Variants in BMPER observed in about 807,000 individuals in gnomAD.
The protein encoded by BMPER is BMP binding endothelial regulator.
BMPER carries 45 observed loss-of-function variants against 87.3 expected under a neutral mutation model. The ratio of observed to expected loss-of-function variants is 0.52; its 90% CI spans 0.41 to 0.66. The LOEUF (loss-of-function observed/expected upper bound fraction) is 0.66. Ranked by LOEUF, BMPER falls within the 30% of genes least tolerant of loss-of-function variation. BMPER has a pLI of 0.00. For synonymous variants in BMPER, 326 were observed against 316.2 expected, an observed-to-expected ratio of 1.03 and a Z score of -0.33; for missense variants, 784 against 867.5, an observed-to-expected ratio of 0.90 and a Z score of 1.21.
chr7:34,047,326 C>T (rs532017164), intron 7 of BMPER, among the ~76,000 whole-genome samples: 27 of 151,936 alleles, frequency 1.8e-4, no homozygotes, highest in African/African-American at 6.3e-4. Flanking sequence ...TGTTGCCAGG[C>T]TGGGTACAGT....
intron 6 of BMPER, among the ~76,000 whole-genome samples, chr7:34,035,735 G>A (rs1486843040): frequency 6.6e-6 from 1 of 152,208 alleles, no homozygotes; most frequent in Admixed American, 6.5e-5. Context: ...GCTAGGCACT[G>A]TGGAAGACAG....
At chr7:33,963,723 G>A (rs1038843398) in intron 3 of BMPER, among the ~76,000 whole-genome samples, 79 of 152,272 alleles carry the variant, frequency 5.2e-4, no homozygotes, top group African/African-American at 1.8e-3. Context: ...AACCTGGGAG[G>A]CGGAGGTTGC....
intron 6 of BMPER, among the ~76,000 whole-genome samples, chr7:34,027,111 T>TG (rs146167310): frequency 0.023 from 3,428 of 152,204 alleles, 135 homozygotes; most frequent in African/African-American, 0.078. Context: ...AATTACTGCA[T>TG]GAGGTAGATT....
chr7:34,068,636 C>G (rs1788657987), intron 11 of BMPER, among the ~76,000 whole-genome samples: 1 of 151,616 alleles, frequency 6.6e-6, no homozygotes, highest in South Asian at 2.1e-4. Context: ...GTTTTTTTTT[C>G]TCGTGGTAAT....
intron 5 of BMPER, among the ~76,000 whole-genome samples, chr7:33,971,354 T>C (rs181076371): frequency 1.7e-4 from 26 of 152,216 alleles, no homozygotes; most frequent in Non-Finnish European, 3.2e-4. Flanking sequence ...TTCTCACCCT[T>C]GAATGACAAG....
chr7:34,040,281 C>G (rs1472773865), intron 6 of BMPER, among the ~76,000 whole-genome samples: 1 of 152,160 alleles, frequency 6.6e-6, no homozygotes, highest in Non-Finnish European at 1.5e-5. Context: ...GGGAAACAAA[C>G]AGAAGGAACC....
At chr7:33,932,550 G>A (rs963074313) in intron 2 of BMPER, among the ~76,000 whole-genome samples, 3 of 152,160 alleles carry the variant, frequency 2.0e-5, no homozygotes, top group African/African-American at 7.2e-5. Context: ...CTTCAACATG[G>A]CTAACCAAAT....
chr7:33,944,001 CA>C (rs1346482623), intron 3 of BMPER, among the ~76,000 whole-genome samples: 2 of 152,168 alleles, frequency 1.3e-5, no homozygotes, highest in Non-Finnish European at 2.9e-5. Context: ...AACAAGTTAA[CA>C]CTTAAATGGT....
At chr7:34,101,985 C>A (rs951702664) in intron 13 of BMPER, among the ~76,000 whole-genome samples, 1 of 152,126 alleles carries the variant, frequency 6.6e-6, no homozygotes, top group Non-Finnish European at 1.5e-5. Flanking sequence ...TTTCTAGTTG[C>A]CTATGAAGAA....
intron 4 of BMPER, among the ~76,000 whole-genome samples, chr7:33,969,582 G>T (rs926499544): frequency 1.3e-5 from 2 of 152,040 alleles, no homozygotes; most frequent in South Asian, 4.1e-4. Context: ...TGTATTTTTC[G>T]TAGAGACGGG....
intron 13 of BMPER, among the ~76,000 whole-genome samples, chr7:34,103,784 C>G (rs1201853272): frequency 2.0e-5 from 3 of 152,152 alleles, no homozygotes; most frequent in African/African-American, 7.2e-5. Context: ...TAAAGGGAGG[C>G]CTCTTGTGAC....
chr7:33,998,053 G>T (rs138137755), intron 6 of BMPER, among the ~76,000 whole-genome samples: 48 of 152,282 alleles, frequency 3.2e-4, no homozygotes, highest in Non-Finnish European at 6.3e-4. Context: ...CATTAGGACT[G>T]GGACATTGTT....
intron 5 of BMPER, among the ~76,000 whole-genome samples, chr7:33,971,163 C>T (rs1008737043): frequency 3.3e-5 from 5 of 150,890 alleles, no homozygotes; most frequent in South Asian, 2.1e-4. Context: ...AGTGGTGATA[C>T]GACTACTGCT....
chr7:33,920,304 T>C (rs976585706), intron 2 of BMPER, among the ~76,000 whole-genome samples: 1 of 152,076 alleles, frequency 6.6e-6, no homozygotes, highest in Admixed American at 6.6e-5. Context: ...CAGATTTTAA[T>C]GTGTGTAAGA....
At chr7:34,073,859 G>A (rs1194954621) in intron 11 of BMPER, among the ~76,000 whole-genome samples, 1 of 152,240 alleles carries the variant, frequency 6.6e-6, no homozygotes, top group East Asian at 1.9e-4. Context: ...GGGTGTTGCT[G>A]TGGGAAGCTG....
chr7:34,039,960 T>C (rs1787793087), intron 6 of BMPER, among the ~76,000 whole-genome samples: 1 of 151,992 alleles, frequency 6.6e-6, no homozygotes, highest in Non-Finnish European at 1.5e-5. Context: ...AACTATTAAC[T>C]AGGTAACTGA....
At chr7:33,982,699 A>G (rs1585703289) in intron 6 of BMPER, among the ~76,000 whole-genome samples, 1 of 152,300 alleles carries the variant, frequency 6.6e-6, no homozygotes, top group Non-Finnish European at 1.5e-5. Context: ...CGGAAGGTCT[A>G]TTGTAATGCC....
chr7:34,115,401 A>G (rs1790091394), intron 13 of BMPER, among the ~76,000 whole-genome samples: 1 of 152,206 alleles, frequency 6.6e-6, no homozygotes, highest in African/African-American at 2.4e-5. Flanking sequence ...GGTTTTTATT[A>G]TTTTCACAGC....
intron 6 of BMPER, among the ~76,000 whole-genome samples, chr7:33,993,410 T>A (rs879975411): frequency 2.6e-5 from 4 of 151,636 alleles, no homozygotes; most frequent in African/African-American, 9.7e-5. Context: ...TTGATCACAT[T>A]GGCTCCTGAG....
Sources: allele counts gnomAD v4.1 joint callset (sites outside exome capture counted in the v4.1 genomes callset), GRCh38; gene constraint gnomAD v4.1.1; transcripts MANE v1.5; gene names NCBI Gene and HGNC (gene_info 2026-07-23, HGNC 2026-07-21).